ANK2: variants seen among roughly 807,000 people sequenced by gnomAD.
ANK2 encodes ankyrin-2.
ANK2 carries 83 observed loss-of-function variants against 360.5 expected under a neutral mutation model. That is an observed-to-expected ratio of 0.23 (90% CI 0.19 to 0.28). The LOEUF is 0.28. Ranked by LOEUF, ANK2 falls within the 10% of genes least tolerant of loss-of-function variation. ANK2 has a pLI of 1.00. For synonymous variants in ANK2, 1,740 were observed against 1,759.5 expected, an observed-to-expected ratio of 0.99 and a Z score of 0.28; for missense variants, 4,201 against 4,795.7, an observed-to-expected ratio of 0.88 and a Z score of 3.66.
intron 1 of ANK2, among the ~76,000 whole-genome samples, chr4:112,857,158 G>A (rs1455252438): frequency 1.3e-5 from 2 of 152,162 alleles, no homozygotes; most frequent in Admixed American, 1.3e-4. Context: ...AGAGAGTTCA[G>A]GAGAGCCTGA....
chr4:113,356,939 G>C lies in ANK2; in HGVS notation c.8321G>C (p.Gly2774Ala). 6.2e-7 allele frequency: 1 copy of C among 1,614,032 alleles called. No individual in the cohort carries two copies. Among genetic ancestry groups the C allele is most frequent in the African/African-American group, 1.3e-5 (1 of 75,026 alleles). Residue 2774 changes from glycine (G) to alanine (A), a missense_variant, in exon 38 of 46, where the codon GGC becomes GCC. By Grantham distance (60) the Gly-to-Ala change is moderately conservative (BLOSUM62 0). This residue lies in a region of ANK2 where 2,642 missense variants were observed against 2,714.5 expected (regional missense o/e 0.97). Transcript: ENST00000357077. ...ACTGATCAGCCAAAAATCTGTGATG[G>C]CCATGGATGTGAGGCCATGAGTCCT... Reference protein sequence around the residue: ...RDTDQPKICDGHGCEAMSPSS... With the variant: ...RDTDQPKICDAHGCEAMSPSS...
At chr4:113,226,477 G>A (rs554361664) in intron 4 of ANK2, among the ~76,000 whole-genome samples, 23 of 152,134 alleles carry the variant, frequency 1.5e-4, no homozygotes, top group African/African-American at 5.3e-4. Flanking sequence ...CAGTAACTTC[G>A]TTCAGATATC....
chr4:112,938,732 A>G (rs1337883986), intron 2 of ANK2, among the ~76,000 whole-genome samples: 1 of 152,206 alleles, frequency 6.6e-6, no homozygotes, highest in African/African-American at 2.4e-5. Context: ...ATAAATGAAG[A>G]ATGCTGAAAT....
chr4:113,314,043 T>C (rs1007595729), intron 24 of ANK2, among the ~76,000 whole-genome samples: 5 of 152,162 alleles, frequency 3.3e-5, no homozygotes, highest in Non-Finnish European at 5.9e-5. Flanking sequence ...TATGTGTAGT[T>C]GGAGAAGATA....
At chr4:112,871,085 T>C (rs2072821569) in intron 1 of ANK2, among the ~76,000 whole-genome samples, 1 of 152,220 alleles carries the variant, frequency 6.6e-6, no homozygotes, top group African/African-American at 2.4e-5. Context: ...ATAGTTTTAT[T>C]AATTTCCATT....
intron 1 of ANK2, among the ~76,000 whole-genome samples, chr4:113,170,121 A>G (rs755370184): frequency 1.3e-5 from 2 of 152,222 alleles, no homozygotes; most frequent in Non-Finnish European, 2.9e-5. Context: ...AGAGAATATA[A>G]TCTTTGAAAG....
chr4:113,194,036 AGTT>A (rs2098712864), intron 2 of ANK2, among the ~76,000 whole-genome samples: 1 of 152,186 alleles, frequency 6.6e-6, no homozygotes, highest in Non-Finnish European at 1.5e-5. Context: ...GTTGATTTTC[AGTT>A]GTTTAATAAT....
At chr4:113,229,964 A>C (rs1269012856) in intron 4 of ANK2, among the ~76,000 whole-genome samples, 2 of 152,166 alleles carry the variant, frequency 1.3e-5, no homozygotes, top group Non-Finnish European at 2.9e-5. Flanking sequence ...GCTTGTCATG[A>C]AAGAGCCCCA....
chr4:112,797,039 ATTC>A, the ANK2 span: 2,993 of 193,860 alleles, frequency 0.015, 42 homozygotes, highest in Non-Finnish European at 0.022. Flanking sequence ...TTTAACTGTA[ATTC>A]TTCACTTGTC....
intron 1 of ANK2, among the ~76,000 whole-genome samples, chr4:113,074,994 A>G (rs187670512): frequency 1.4e-4 from 22 of 152,292 alleles, no homozygotes; most frequent in Non-Finnish European, 2.8e-4. Flanking sequence ...TTGCTATTTG[A>G]TTGTGTGGTC....
At chr4:112,733,245 AT>A in the ANK2 span, among the ~76,000 whole-genome samples, 2 of 152,198 alleles carry the variant, frequency 1.3e-5, no homozygotes, top group East Asian at 3.9e-4. Context: ...CATAAAAAAA[AT>A]AAATAACACT....
chr4:113,231,629 A>G (rs546031158), intron 4 of ANK2, among the ~76,000 whole-genome samples: 16 of 150,392 alleles, frequency 1.1e-4, no homozygotes, highest in African/African-American at 3.9e-4. Context: ...TTTTTGAGAC[A>G]GTCTCACTCT....
the ANK2 span, among the ~76,000 whole-genome samples, chr4:112,775,149 G>A: frequency 6.6e-6 from 1 of 152,154 alleles, no homozygotes; most frequent in Non-Finnish European, 1.5e-5. Flanking sequence ...AGGGCATAAA[G>A]AGATGTGCCT....
At chr4:112,855,362 T>G (rs1279384745) in intron 1 of ANK2, among the ~76,000 whole-genome samples, 1 of 152,220 alleles carries the variant, frequency 6.6e-6, no homozygotes, top group Admixed American at 6.5e-5. Context: ...TGAAACAACT[T>G]TCAGTTATGC....
intron 2 of ANK2, among the ~76,000 whole-genome samples, chr4:113,012,318 A>T (rs2055024243): frequency 6.6e-6 from 1 of 152,082 alleles, no homozygotes; most frequent in Non-Finnish European, 1.5e-5. Flanking sequence ...GCCCTCATTG[A>T]TTTGGTTATG....
intron 1 of ANK2, among the ~76,000 whole-genome samples, chr4:113,120,556 A>G (rs1372642912): frequency 6.6e-6 from 1 of 152,180 alleles, no homozygotes; most frequent in Non-Finnish European, 1.5e-5. Context: ...GAATGAGTAA[A>G]CAAATTTATT....
chr4:113,224,412 T>C (rs570683995), intron 4 of ANK2, among the ~76,000 whole-genome samples: 1 of 152,304 alleles, frequency 6.6e-6, no homozygotes, highest in East Asian at 1.9e-4. Context: ...TAAGAAGATA[T>C]GGTAAGAGTT....
At position 112,957,785 on chromosome 4, in the gene ANK2, C is replaced by T. The variant is rs1302686860; in HGVS notation, c.21+53271C>T. On this transcript the variant is annotated intron_variant, in intron 2 of 30. Coordinates refer to the ANK2 transcript ENST00000503271. ...GGGTGGCTGCCGGGCGGAGGGGCTC[C>T]TCACTTCTCAGACGGGGCGGCTGCC... Among the ~76,000 whole-genome samples, 8 of 150,494 alleles carry T rather than the reference C, an allele frequency of 5.3e-5. No individual in the cohort carries two copies. In the East Asian group the frequency reaches 1.6e-3, roughly 30 times the overall value.
At chr4:112,827,215 G>T in intron 1 of ANK2, 2 of 1,110,242 alleles carry the variant, frequency 1.8e-6, no homozygotes, top group Non-Finnish European at 2.8e-6. Flanking sequence ...TGAAAAGCTG[G>T]ATCAATTGGA....
Sources: allele counts gnomAD v4.1 joint callset (sites outside exome capture counted in the v4.1 genomes callset), GRCh38; gene constraint gnomAD v4.1.1; regional missense constraint gnomAD v4.1.1; transcripts MANE v1.5; gene names NCBI Gene and HGNC (gene_info 2026-07-23, HGNC 2026-07-21).